The following SIDT2 variants were observed in gnomAD, a reference collection of about 807,000 sequenced individuals.
The protein encoded by SIDT2 is SID1 transmembrane family, member 2.
A neutral mutation model predicts 114.4 loss-of-function variants in SIDT2; 68 were observed. That is an observed-to-expected ratio of 0.59 (90% confidence interval 0.49 to 0.73). SIDT2 has a LOEUF of 0.73. Ranked by LOEUF, SIDT2 falls within the 30% of genes least tolerant of loss-of-function variation. The pLI, the probability that SIDT2 is intolerant of heterozygous loss-of-function variation, is 0.00. For missense variants in SIDT2, 918 were observed against 1,097.1 expected (o/e 0.84, Z 2.31); for synonymous variants, 470 against 438.4 (o/e 1.07, Z -0.90).
At position 117,192,256 on chromosome 11, in the gene SIDT2, C is replaced by G; in HGVS notation, c.1875C>G (p.Val625=). The G allele has an allele frequency of 6.2e-7, 1 of 1,604,398 alleles. No individual in the cohort carries two copies. The highest frequency in any genetic ancestry group is 1.7e-5 in the Admixed American group (1 of 60,008). ...IVIFFSVLGV[V]FGKGNTAFWI... The stretch of plus-strand genomic sequence containing the variant: ...TGCCCTTGGTGGCCTCCCGACAGGT[C>G]TTTGGCAAAGGGAACACGGCGTTCT... Residue 625 remains valine, a splice_region_variant and synonymous_variant, in exon 20 of 26, where the codon GTC becomes GTG. Coordinates refer to ENST00000324225, the MANE Select transcript of SIDT2 (RefSeq NM_001040455.2). The surrounding 1 kb of genome is among the most constrained non-coding windows in gnomAD (Gnocchi z 5.9).
Position 117,190,484 on chromosome 11 carries a change from G to A in SIDT2, c.1618-139G>A. ...CTCCCTTGCCAGCCTGCCCAGGCCAGCCCACCCCTGCACACCCACACTCGA... is the reference window on the plus strand; with the variant it reads ...CTCCCTTGCCAGCCTGCCCAGGCCAACCCACCCCTGCACACCCACACTCGA... On this transcript the variant is annotated intron_variant, in intron 17 of 25. Transcript: ENST00000324225. This position sits in a 1 kb window ranked among gnomAD's most constrained non-coding sequence, Gnocchi z 4.1. 1.6e-6 allele frequency: 1 copy of A among 642,962 alleles called. No homozygotes were observed. The highest frequency in any genetic ancestry group is 2.1e-6 in the Non-Finnish European group (1 of 479,416). 39.8% of individuals were successfully genotyped at this position (642,962 alleles called of 1,614,324 possible).
chr11:117,196,045 G>A lies in SIDT2; in HGVS notation c.2478G>A (p.Arg826=). The A allele has an allele frequency of 6.2e-7, 1 of 1,614,220 alleles. No homozygotes were observed. The highest frequency in any genetic ancestry group is 2.2e-5 in the East Asian group (1 of 44,874). Residue 826 remains arginine, a synonymous_variant, in exon 26 of 26, where the codon CGG becomes CGA. Coordinates refer to ENST00000324225, the MANE Select transcript of SIDT2 (RefSeq NM_001040455.2). The surrounding 1 kb of genome is among the most constrained non-coding windows in gnomAD (Gnocchi z 4.9). ...TLDDDLDTVQ[R]DKIYVF is the part of the protein sequence containing the mutation. ...ATGACGACCTGGATACTGTGCAGCG[G>A]GACAAGATCTATGTCTTCTAGCAGG...
chr11:117,189,121 G>A (rs751340058), intron 13 of SIDT2, 48 bp from the exon 14 acceptor site: 1 of 1,581,870 alleles, frequency 6.3e-7, no homozygotes, highest in Middle Eastern at 1.7e-4. Flanking sequence ...GGGGGAGGGG[G>A]CTTCTCCCAA....
At position 117,193,134 on chromosome 11, in the gene SIDT2, C is replaced by T; in HGVS notation, c.2106-19C>T. ...GCCCTTGGGCTTCCTGCTTCACCAC[C>T]CTTCATCCCTCTTGCCAGGGCTGCC... On this transcript the variant is annotated intron_variant, in intron 22 of 25. Transcript: ENST00000324225. 6.2e-7 allele frequency: 1 copy of T among 1,613,062 alleles called. No individual in the cohort carries two copies. The highest frequency in any genetic ancestry group is 8.5e-7 in the Non-Finnish European group (1 of 1,179,012).
In SIDT2 at chr11:117,188,964, G is replaced by A. The variant is rs1029058814; in HGVS notation, c.1278+138G>A. 4 of 1,041,234 alleles carry A rather than the reference G, an allele frequency of 3.8e-6. No individual in the cohort carries two copies. The highest frequency in any genetic ancestry group is 1.6e-5 in the African/African-American group (1 of 63,924). 64.5% of individuals were successfully genotyped at this position (1,041,234 alleles called of 1,614,324 possible). ...CTCAGCTGGGGCAGGGCAGATGCCG[G>A]GGAAACTAACCTGACCTCCAACCCC... On this transcript the variant is annotated intron_variant, in intron 13 of 25. Transcript: ENST00000324225. This position sits in a 1 kb window ranked among gnomAD's most constrained non-coding sequence, Gnocchi z 4.0.
chr11:117,187,041 G>C, intron 10 of SIDT2: 8 of 1,455,520 alleles, frequency 5.5e-6, no homozygotes, highest in Non-Finnish European at 7.3e-6. Flanking sequence ...CTGGAGTCCA[G>C]AGTAGGGGAG....
rs761909276 is a variant in SIDT2 at position 117,186,168 on chromosome 11, A to C, written c.907A>C (p.Ile303Leu). Residue 303 changes from isoleucine to leucine, a missense_variant, in exon 9 of 26, where the codon ATA (isoleucine) becomes CTA (leucine). By Grantham distance (5) the Ile-to-Leu change is conservative. This residue lies in a region of SIDT2 where 553 missense variants were observed against 600.1 expected (regional missense o/e 0.92). Transcript: ENST00000324225. ...YVSGMLFCLG[I>L]FLSFYLLTVL... is the part of the protein sequence containing the mutation. ...CAGTGGGATGCTCTTTTGCCTGGGT[A>C]TATTTCTCTCCTTTTACCTGCTGAC... 3 of 1,613,898 alleles carry C rather than the reference A, an allele frequency of 1.9e-6. No individual in the cohort carries two copies. The highest frequency in any genetic ancestry group is 1.1e-5 in the South Asian group (1 of 91,074).
Position 117,192,049 on chromosome 11 carries a change from A to G in SIDT2, c.1872+35A>G. 3.1e-6 allele frequency: 5 copies of G among 1,612,520 alleles called. No individual in the cohort carries two copies. Among genetic ancestry groups the G allele is most frequent in the Non-Finnish European group, 4.2e-6 (5 of 1,179,064 alleles). On this transcript the variant is annotated intron_variant, in intron 19 of 25. Transcript: ENST00000324225. The surrounding 1 kb of genome is among the most constrained non-coding windows in gnomAD (Gnocchi z 5.9). ...TGACCTGCTCTGCTCAGCCTGTATG[A>G]TAGGAAAGGTGCACGTGCGTTCAGA...
intron 24 of SIDT2, among the ~76,000 whole-genome samples, chr11:117,195,154 C>T (rs865783495): frequency 7.0e-6 from 1 of 142,666 alleles, no homozygotes; most frequent in Non-Finnish European, 1.5e-5. Context: ...CCCAGACCTA[C>T]TGTGACCTTA....
In SIDT2 at chr11:117,188,291, T is replaced by A. The variant is rs1358219184; in HGVS notation, c.1160-417T>A. 9.4e-6 allele frequency: 3 copies of A among 318,236 alleles called. No homozygotes were observed. Among genetic ancestry groups the A allele is most frequent in the Non-Finnish European group, 1.8e-5 (3 of 164,238 alleles). The allele number at this position is 318,236 out of a possible 1,614,324, so 19.7% of individuals were successfully genotyped here. On this transcript the variant is annotated intron_variant, in intron 12 of 25. Transcript: ENST00000324225. This position sits in a 1 kb window ranked among gnomAD's most constrained non-coding sequence, Gnocchi z 4.0. Reference sequence around the variant, plus strand: ...TGCTCTTTCTGCACCCCAGGCCCACTGGGTCTTTAACCCAGTGGCAGCCAA... The same window carrying A: ...TGCTCTTTCTGCACCCCAGGCCCACAGGGTCTTTAACCCAGTGGCAGCCAA...
In SIDT2 at chr11:117,191,811, G is replaced by C. The variant is rs574174635; in HGVS notation, c.1736-67G>C. On this transcript the variant is annotated intron_variant, in intron 18 of 25. Transcript: ENST00000324225. ...CTCTCTCTTCCTCTGGGATTGTTGGGGCCAGGAGTTCTCTGCTGGGGCTTG... is the reference window on the plus strand; with the variant it reads ...CTCTCTCTTCCTCTGGGATTGTTGGCGCCAGGAGTTCTCTGCTGGGGCTTG... 1.4e-4 allele frequency: 216 copies of C among 1,581,734 alleles called. No individual in the cohort carries two copies. The South Asian group carries it at 2.1e-3, about 15-fold the overall frequency.
intron 8 of SIDT2, 195 bp from the exon 9 acceptor site, chr11:117,185,933 CAA>C (rs2030477839): frequency 2.2e-6 from 1 of 453,200 alleles, no homozygotes; most frequent in South Asian, 3.4e-5. Context: ...GCAACATGAG[CAA>C]AAATAGGAGT....
intron 18 of SIDT2, 115 bp from the exon 19 acceptor site, chr11:117,191,763 A>G: frequency 6.9e-7 from 1 of 1,443,482 alleles, no homozygotes; most frequent in Non-Finnish European, 9.4e-7. Flanking sequence ...AGCTCACACC[A>G]TGGCCGTGGT....
In SIDT2 at chr11:117,179,233, C is replaced by A; in HGVS notation, c.-31C>A. The A allele has an allele frequency of 6.3e-7, 1 of 1,597,098 alleles. No individual in the cohort carries two copies. On this transcript the variant is annotated 5_prime_UTR_variant, in exon 1 of 26. Coordinates refer to ENST00000324225, the MANE Select transcript of SIDT2 (RefSeq NM_001040455.2). The stretch of plus-strand genomic sequence containing the variant: ...TCTCCTGTCGCCGCCGCCGCCGCCA[C>A]CACCGCTGCCACTGCCGCCCTGCCG...
At position 117,192,603 on chromosome 11, in the gene SIDT2, G is replaced by A. The variant is rs565574054; in HGVS notation, c.2011G>A (p.Val671Met). Residue 671 changes from valine to methionine, a missense_variant, in exon 21 of 26, where the codon GTG (valine) becomes ATG (methionine). By Grantham distance (21) the Val-to-Met change is conservative (BLOSUM62 1). This residue lies in a region of SIDT2 where 275 missense variants were observed against 397.6 expected (regional missense o/e 0.69). Transcript: ENST00000324225. The surrounding 1 kb of genome is among the most constrained non-coding windows in gnomAD (Gnocchi z 5.9). ...GGGGATCTTCCGCCGCATCCTCCACGTGCTCTACACAGACTGCATCCGGCA... is the reference window on the plus strand; with the variant it reads ...GGGGATCTTCCGCCGCATCCTCCACATGCTCTACACAGACTGCATCCGGCA... ...DSGIFRRILH[V>M]LYTDCIRQCS... is the part of the protein sequence containing the mutation. 3.3e-5 allele frequency: 53 copies of A among 1,611,270 alleles called. 1 individual carries two copies. Among genetic ancestry groups the A allele is most frequent in the Non-Finnish European group, 4.1e-5 (48 of 1,180,014 alleles).
chr11:117,192,640 C>T lies in SIDT2; in HGVS notation c.2048C>T (p.Pro683Leu), dbSNP rs372019919. Reference sequence around the variant, plus strand: ...GACTGCATCCGGCAGTGCAGCGGGCCGCTCTACGTGGTACCTGCCTGGTTC... The same window carrying T: ...GACTGCATCCGGCAGTGCAGCGGGCTGCTCTACGTGGTACCTGCCTGGTTC... The part of the protein sequence containing the change: ...YTDCIRQCSG[P>L]LYVDRMVLLV... The change falls in exon 21 of 26, where the codon CCG (proline) becomes CTG (leucine). Residue 683 changes from proline (P) to leucine (L), a missense_variant. This residue lies in a region of SIDT2 where 275 missense variants were observed against 397.6 expected (regional missense o/e 0.69). Transcript: ENST00000324225. The surrounding 1 kb of genome is among the most constrained non-coding windows in gnomAD (Gnocchi z 5.9). The T allele has an allele frequency of 1.8e-4, 295 of 1,612,350 alleles. No individual in the cohort carries two copies. Among genetic ancestry groups the T allele is most frequent in the Non-Finnish European group, 1.4e-4 (161 of 1,180,032 alleles).
At position 117,194,793 on chromosome 11, in the gene SIDT2, T is replaced by C. The variant is rs1591773192; in HGVS notation, c.2322+830T>C. On this transcript the variant is annotated intron_variant, in intron 24 of 25. Transcript: ENST00000324225. ...TGCGCCTTGTTCTGGGCTATAAAAG[T>C]CTTGGGTGAGGAGGGCTGGGCACGG... is the stretch of plus-strand genomic sequence containing the variant. Among the ~76,000 whole-genome samples, 4 of 151,790 alleles carry C rather than the reference T, an allele frequency of 2.6e-5. 1 individual carries two copies. The highest frequency in any genetic ancestry group is 2.6e-4 in the Admixed American group (4 of 15,238).
chr11:117,187,018 G>A (rs1247489440), intron 10 of SIDT2: 1 of 1,451,454 alleles, frequency 6.9e-7, no homozygotes, highest in African/African-American at 1.4e-5. Context: ...TCCAGGTGCT[G>A]TGGGCAGAGG....
chr11:117,187,667 C>T lies in SIDT2; in HGVS notation c.1127C>T (p.Ala376Val), dbSNP rs768370218. 56 of 1,613,952 alleles carry T rather than the reference C, an allele frequency of 3.5e-5. No homozygotes were observed. The highest frequency in any genetic ancestry group is 4.0e-5 in the Non-Finnish European group (47 of 1,180,008). The change falls in exon 12 of 26, where the codon GCT becomes GTT. Residue 376 changes from alanine (A) to valine (V), a missense_variant. By Grantham distance (64) the Ala-to-Val change is moderately conservative. Coordinates refer to ENST00000324225, the MANE Select transcript of SIDT2 (RefSeq NM_001040455.2). Reference sequence around the variant, plus strand: ...TCTACCGATGGTCTGGTTGACAGCGCTGGCACTGGGGACCTCTCTTACGGT... The same window carrying T: ...TCTACCGATGGTCTGGTTGACAGCGTTGGCACTGGGGACCTCTCTTACGGT... Reference protein sequence around the residue: ...SGSTDGLVDSAGTGDLSYGYQ... With the variant: ...SGSTDGLVDSVGTGDLSYGYQ...
Sources: allele counts gnomAD v4.1 joint callset (sites outside exome capture counted in the v4.1 genomes callset), GRCh38; gene constraint gnomAD v4.1.1; regional missense constraint gnomAD v4.1.1; non-coding constraint Gnocchi (gnomAD v3.1); transcripts MANE v1.5; gene names NCBI Gene and HGNC (gene_info 2026-07-23, HGNC 2026-07-21).